SPAG16: variants seen among roughly 807,000 people sequenced by gnomAD.
SPAG16 encodes sperm-associated antigen 16 protein.
A neutral mutation model predicts 80.4 loss-of-function variants in SPAG16; 86 were observed. That is an observed-to-expected ratio of 1.07 (90% confidence interval 0.90 to 1.28). SPAG16 has a LOEUF of 1.28. Ranked by LOEUF, SPAG16 falls within the 50% of genes most tolerant of loss-of-function variation. The pLI is 0.00. For missense variants in SPAG16, 870 were observed against 765.3 expected, an observed-to-expected ratio of 1.14 and a Z score of -1.61; for synonymous variants, 294 against 265.9, an observed-to-expected ratio of 1.11 and a Z score of -1.03.
chr2:214,280,595 T>C, intron 15 of SPAG16: 1 of 221,328 alleles, frequency 4.5e-6, no homozygotes, highest in Non-Finnish European at 9.2e-6. Context: ...TTTTTAAATT[T>C]ATCGTCTTTC....
chr2:214,347,355 T>TG (rs1698121225), intron 15 of SPAG16, among the ~76,000 whole-genome samples: 1 of 151,740 alleles, frequency 6.6e-6, no homozygotes, highest in African/African-American at 2.4e-5. Context: ...TAGGGTTTTT[T>TG]TTTTAGTAGA....
intron 10 of SPAG16, among the ~76,000 whole-genome samples, chr2:213,754,713 A>G (rs1329539868): frequency 6.6e-6 from 1 of 152,266 alleles, no homozygotes; most frequent in African/African-American, 2.4e-5. Context: ...TCACAGCCCA[A>G]TGACTAGTTT....
chr2:214,078,723 A>T (rs2051210793), intron 13 of SPAG16, among the ~76,000 whole-genome samples: 1 of 152,134 alleles, frequency 6.6e-6, no homozygotes. Flanking sequence ...ATTATAATTG[A>T]TCACTTCTGA....
At chr2:214,204,581 A>C (rs1048742305) in intron 15 of SPAG16, among the ~76,000 whole-genome samples, 1 of 152,144 alleles carries the variant, frequency 6.6e-6, no homozygotes, top group Admixed American at 6.5e-5. Flanking sequence ...GATAAATAAC[A>C]ATCACTGCAG....
chr2:213,418,334 C>T (rs1407656881), intron 9 of SPAG16, among the ~76,000 whole-genome samples: 3 of 152,150 alleles, frequency 2.0e-5, no homozygotes, highest in African/African-American at 4.8e-5. Context: ...ACAAGAGCAT[C>T]CTTCTCTGTT....
chr2:213,883,238 A>G (rs998971232), intron 11 of SPAG16, among the ~76,000 whole-genome samples: 1 of 151,994 alleles, frequency 6.6e-6, no homozygotes, highest in Non-Finnish European at 1.5e-5. Context: ...ATACTTTTTT[A>G]TTTTTGCCTT....
At chr2:213,362,250 A>G (rs905045646) in intron 7 of SPAG16, among the ~76,000 whole-genome samples, 1 of 152,226 alleles carries the variant, frequency 6.6e-6, no homozygotes, top group Non-Finnish European at 1.5e-5. Context: ...TATAACCCAA[A>G]ATATAAAATA....
At chr2:213,609,257 G>C (rs2061366000) in intron 10 of SPAG16, among the ~76,000 whole-genome samples, 1 of 152,054 alleles carries the variant, frequency 6.6e-6, no homozygotes, top group Admixed American at 6.5e-5. Context: ...CTAAATTACT[G>C]GAACAGTGAT....
chr2:213,301,160 C>A (rs1221569861), intron 3 of SPAG16, among the ~76,000 whole-genome samples: 1 of 152,056 alleles, frequency 6.6e-6, no homozygotes, highest in Non-Finnish European at 1.5e-5. Flanking sequence ...ATTTTCATTA[C>A]TTTTAGACTC....
At chr2:213,700,839 T>C (rs2065378615) in intron 10 of SPAG16, among the ~76,000 whole-genome samples, 1 of 152,226 alleles carries the variant, frequency 6.6e-6, no homozygotes, top group African/African-American at 2.4e-5. Context: ...ATTGTTTTTC[T>C]TTGTGCATTT....
At chr2:214,245,422 T>G (rs900166635) in intron 15 of SPAG16, among the ~76,000 whole-genome samples, 5 of 152,150 alleles carry the variant, frequency 3.3e-5, no homozygotes, top group African/African-American at 1.2e-4. Flanking sequence ...ATGATACATT[T>G]TTATAATTTG....
At chr2:213,672,134 A>C (rs2063832836) in intron 10 of SPAG16, among the ~76,000 whole-genome samples, 1 of 152,122 alleles carries the variant, frequency 6.6e-6, no homozygotes, top group Admixed American at 6.5e-5. Flanking sequence ...AAGTTGTGAA[A>C]CAATGAAGGT....
intron 10 of SPAG16, among the ~76,000 whole-genome samples, chr2:213,643,179 C>G (rs1036422571): frequency 2.0e-5 from 3 of 150,386 alleles, no homozygotes; most frequent in Admixed American, 6.6e-5. Flanking sequence ...CTTTATTTCT[C>G]TATGTTTAAA....
At chr2:213,365,215 A>G (rs2066214953) in intron 8 of SPAG16, 1 of 152,226 alleles carries the variant, frequency 6.6e-6, no homozygotes, top group Non-Finnish European at 1.5e-5. Flanking sequence ...AGATATGAAT[A>G]GGAACAGGAA....
intron 9 of SPAG16, among the ~76,000 whole-genome samples, chr2:213,433,184 A>G (rs1015012121): frequency 6.6e-6 from 1 of 152,206 alleles, no homozygotes; most frequent in African/African-American, 2.4e-5. Context: ...CAATCCCTCT[A>G]AGAACTAGAA....
At chr2:213,899,589 C>T (rs1325747339) in intron 11 of SPAG16, among the ~76,000 whole-genome samples, 2 of 152,028 alleles carry the variant, frequency 1.3e-5, no homozygotes, top group Non-Finnish European at 2.9e-5. Flanking sequence ...TTTCACCATG[C>T]TAGATTTAAA....
intron 10 of SPAG16, among the ~76,000 whole-genome samples, chr2:213,719,942 A>G (rs1574933230): frequency 1.3e-5 from 2 of 152,144 alleles, no homozygotes; most frequent in Non-Finnish European, 2.9e-5. Flanking sequence ...CAACCCAAAT[A>G]CCCATCAGTG....
chr2:213,892,707 G>A (rs535467245), intron 11 of SPAG16, among the ~76,000 whole-genome samples: 19 of 152,136 alleles, frequency 1.2e-4, no homozygotes, highest in Admixed American at 6.6e-5. Context: ...GAATGACCAC[G>A]CAGATGAAAG....
At chr2:214,149,809 A>T (rs6760981) in intron 15 of SPAG16, among the ~76,000 whole-genome samples, 4 of 152,086 alleles carry the variant, frequency 2.6e-5, no homozygotes, top group Non-Finnish European at 5.9e-5. Context: ...CCACAATGAT[A>T]TAAGTATTAT....
Sources: gnomAD v4.1 joint callset for allele counts (sites outside exome capture counted in the v4.1 genomes callset) on GRCh38, gnomAD v4.1.1 for gene constraint, MANE v1.5 for transcripts, NCBI Gene and HGNC (gene_info 2026-07-23, HGNC 2026-07-21) for gene names.